DAB1: variants seen among roughly 807,000 people sequenced by gnomAD.
DAB1 encodes disabled homolog 1.
DAB1 carries 15 observed loss-of-function variants against 64.6 expected under a neutral mutation model. The observed-to-expected ratio is 0.23, with a 90% CI of 0.16 to 0.36. The LOEUF (loss-of-function observed/expected upper bound fraction) is 0.36, where lower values mean the gene tolerates loss of function less well. DAB1 is among the 10% of genes least tolerant of loss of function. The probability of loss-of-function intolerance (pLI) is 1.00; values close to 1 mark genes in which losing one functional copy is unlikely to be tolerated. For missense variants in DAB1, 596 were observed against 706.7 expected, an observed-to-expected ratio of 0.84 and a Z score of 1.78; for synonymous variants, 235 against 251.9, an observed-to-expected ratio of 0.93 and a Z score of 0.64.
chr1:57,364,022 G>C (rs115659376), intron 1 of DAB1, among the ~76,000 whole-genome samples: 1 of 152,140 alleles, frequency 6.6e-6, no homozygotes, highest in East Asian at 1.9e-4. Context: ...TGCCTTGTAA[G>C]GATTCAGATT....
At chr1:58,107,495 A>C (rs1197723716) in intron 5 of DAB1, among the ~76,000 whole-genome samples, 1 of 151,796 alleles carries the variant, frequency 6.6e-6, no homozygotes, top group African/African-American at 2.4e-5. Flanking sequence ...ATCTAAAAAA[A>C]GTAATCTAAC....
At chr1:57,060,155 A>ATTTTATTTTATTTTT (rs1650237916) in intron 9 of DAB1, among the ~76,000 whole-genome samples, 1 of 149,418 alleles carries the variant, frequency 6.7e-6, no homozygotes, top group South Asian at 2.1e-4. Flanking sequence ...ATTTTATTTT[A>ATTTTATTTTATTTTT]TTTTATTTTA....
intron 3 of DAB1, among the ~76,000 whole-genome samples, chr1:58,448,784 T>C (rs1030525918): frequency 2.0e-5 from 3 of 152,176 alleles, no homozygotes; most frequent in Non-Finnish European, 4.4e-5. Flanking sequence ...GCAGACTAAG[T>C]GACTGAGTAA....
At chr1:58,132,474 G>T (rs1570397936) in intron 5 of DAB1, among the ~76,000 whole-genome samples, 5 of 152,242 alleles carry the variant, frequency 3.3e-5, no homozygotes, top group East Asian at 3.9e-4. Context: ...CGGCCATCTT[G>T]GCTCCTCCCC....
intron 5 of DAB1, among the ~76,000 whole-genome samples, chr1:58,028,164 C>T (rs978218966): frequency 1.2e-4 from 19 of 152,146 alleles, no homozygotes; most frequent in Non-Finnish European, 2.6e-4. Context: ...TGATTATTAT[C>T]TGCAGTAGCT....
At chr1:57,899,521 A>C (rs1345635765) in intron 5 of DAB1, among the ~76,000 whole-genome samples, 8 of 152,148 alleles carry the variant, frequency 5.3e-5, no homozygotes, top group African/African-American at 1.7e-4. Flanking sequence ...AAGCAGTTGA[A>C]GATATCTTAG....
At chr1:57,853,538 T>C (rs1557517711) in intron 1 of DAB1, among the ~76,000 whole-genome samples, 1 of 152,248 alleles carries the variant, frequency 6.6e-6, no homozygotes, top group East Asian at 1.9e-4. Flanking sequence ...AGAGTGAAGC[T>C]TTAGGCAGGA....
chr1:57,984,152 G>T (rs910307438), intron 5 of DAB1, among the ~76,000 whole-genome samples: 5 of 141,768 alleles, frequency 3.5e-5, no homozygotes, highest in African/African-American at 1.3e-4. Context: ...TATAACAGTT[G>T]CAGGATTTCA....
chr1:58,099,527 C>G (rs922781564), intron 5 of DAB1, among the ~76,000 whole-genome samples: 1 of 152,170 alleles, frequency 6.6e-6, no homozygotes, highest in Non-Finnish European at 1.5e-5. Flanking sequence ...CATTTATTCA[C>G]CATTTGCTAT....
chr1:57,927,179 G>A (rs1644891768), intron 5 of DAB1, among the ~76,000 whole-genome samples: 2 of 152,128 alleles, frequency 1.3e-5, no homozygotes, highest in South Asian at 4.1e-4. Context: ...TTTCCTTCTT[G>A]TACACAAAGA....
intron 1 of DAB1, among the ~76,000 whole-genome samples, chr1:57,835,697 T>C (rs1652780435): frequency 6.6e-6 from 1 of 152,232 alleles, no homozygotes; most frequent in Non-Finnish European, 1.5e-5. Context: ...TGATAGATTG[T>C]GCCTAAGAGC....
At chr1:58,288,944 AG>A (rs1282299968) in intron 4 of DAB1, among the ~76,000 whole-genome samples, 1 of 152,166 alleles carries the variant, frequency 6.6e-6, no homozygotes, top group Non-Finnish European at 1.5e-5. Flanking sequence ...ACTTCATGCA[AG>A]AATACCCTGA....
At chr1:57,416,504 G>A (rs185645428) in intron 1 of DAB1, among the ~76,000 whole-genome samples, 8 of 152,178 alleles carry the variant, frequency 5.3e-5, no homozygotes, top group Admixed American at 2.0e-4. Context: ...CTAGTGAATC[G>A]ACTGTTTTAA....
At chr1:58,426,669 CAGAG>C (rs1644824264) in intron 3 of DAB1, among the ~76,000 whole-genome samples, 1 of 152,154 alleles carries the variant, frequency 6.6e-6, no homozygotes, top group South Asian at 2.1e-4. Flanking sequence ...TACATTCTAC[CAGAG>C]AGAGACAGAG....
intron 7 of DAB1, among the ~76,000 whole-genome samples, chr1:57,469,643 G>T (rs1410811738): frequency 1.3e-5 from 2 of 152,148 alleles, no homozygotes; most frequent in Non-Finnish European, 2.9e-5. Context: ...GCCCAGATAT[G>T]TGTATATAAT....
At chr1:57,668,511 G>A (rs970862236) in intron 6 of DAB1, among the ~76,000 whole-genome samples, 1 of 152,108 alleles carries the variant, frequency 6.6e-6, no homozygotes, top group Non-Finnish European at 1.5e-5. Context: ...ATGTGTTTGA[G>A]CTACATTCTG....
chr1:57,505,151 A>C (rs1238744570), intron 7 of DAB1, among the ~76,000 whole-genome samples: 1 of 152,226 alleles, frequency 6.6e-6, no homozygotes, highest in African/African-American at 2.4e-5. Context: ...AAGTAGTAAT[A>C]GGGGAAACTG....
intron 6 of DAB1, among the ~76,000 whole-genome samples, chr1:57,658,744 T>G (rs976604615): frequency 3.3e-5 from 5 of 150,342 alleles, no homozygotes; most frequent in Non-Finnish European, 5.9e-5. Context: ...CTTTCTGTAT[T>G]TTTTTAGTAG....
At chr1:58,388,251 ACT>A (rs1363128149) in intron 3 of DAB1, among the ~76,000 whole-genome samples, 1 of 152,022 alleles carries the variant, frequency 6.6e-6, no homozygotes, top group African/African-American at 2.4e-5. Flanking sequence ...TACTAACAGA[ACT>A]CTGTTTCAAG....
Sources: allele counts gnomAD v4.1 joint callset (sites outside exome capture counted in the v4.1 genomes callset), GRCh38; gene constraint gnomAD v4.1.1; transcripts MANE v1.5; gene names NCBI Gene and HGNC (gene_info 2026-07-23, HGNC 2026-07-21).